The following EPHA7 variants were observed in gnomAD, a reference collection of about 807,000 sequenced individuals.
EPHA7 encodes ephrin type-A receptor 7.
EPHA7 carries 25 observed loss-of-function variants against 112.6 expected under a neutral mutation model. The ratio of observed to expected loss-of-function variants is 0.22; its 90% CI spans 0.16 to 0.31. EPHA7 has a LOEUF of 0.31. EPHA7 is among the 10% of genes least tolerant of loss of function. The pLI is 1.00. For synonymous variants in EPHA7, 437 were observed against 406.5 expected (o/e 1.07, Z -0.90); for missense variants, 962 against 1,212.6 (o/e 0.79, Z 3.07).
chr6:93,255,687 C>CA, intron 13 of EPHA7, 141 bp downstream of exon 13: 1 of 690,444 alleles, frequency 1.4e-6, no homozygotes, highest in Non-Finnish European at 2.4e-6. Flanking sequence ...AAACAAAAAA[C>CA]AAAAAACAAA....
intron 2 of EPHA7, among the ~76,000 whole-genome samples, chr6:93,412,062 G>T (rs934544528): frequency 6.6e-6 from 1 of 151,970 alleles, no homozygotes; most frequent in African/African-American, 2.4e-5. Context: ...ATAATATTCT[G>T]TCGCTCATTA....
At chr6:93,279,281 AC>A (rs1771616617) in intron 5 of EPHA7, among the ~76,000 whole-genome samples, 1 of 152,164 alleles carries the variant, frequency 6.6e-6, no homozygotes, top group Non-Finnish European at 1.5e-5. Flanking sequence ...GTATTTTATA[AC>A]ATATCATTTA....
rs1173573107 is a variant in EPHA7, at chr6:93,361,167, C to T, written c.833-2756G>A. Among the ~76,000 whole-genome samples the T allele has an allele frequency of 3.9e-5, 6 of 151,996 alleles. No individual in the cohort carries two copies. In the South Asian group the frequency reaches 1.2e-3, roughly 32 times the overall value. On this transcript the variant is annotated intron_variant, in intron 3 of 16. Transcript: ENST00000369303. Reference sequence around the variant, plus strand: ...ATGACTATCATTAAATAGATAAAGGCAATACCGGAAAAATGTGATCATAAA... The same window carrying T: ...ATGACTATCATTAAATAGATAAAGGTAATACCGGAAAAATGTGATCATAAA...
chr6:93,368,786 T>C (rs1562130384), intron 3 of EPHA7, among the ~76,000 whole-genome samples: 1 of 152,120 alleles, frequency 6.6e-6, no homozygotes, highest in African/African-American at 2.4e-5. Context: ...TAAAGCAAAA[T>C]TGTCAGTTAA....
At chr6:93,260,788 GAA>G in intron 9 of EPHA7, 1 of 887,230 alleles carries the variant, frequency 1.1e-6, no homozygotes, top group Non-Finnish European at 1.3e-6. Flanking sequence ...AGCTGAAGAT[GAA>G]AAAAAAAACA....
chr6:93,252,154 T>G (rs1350089000), intron 14 of EPHA7, among the ~76,000 whole-genome samples: 1 of 151,984 alleles, frequency 6.6e-6, no homozygotes, highest in East Asian at 1.9e-4. Context: ...TTGTGTCTCT[T>G]CAGGTTACAA....
chr6:93,249,760 T>C (rs1400698600), intron 14 of EPHA7, among the ~76,000 whole-genome samples: 1 of 152,174 alleles, frequency 6.6e-6, no homozygotes, highest in Non-Finnish European at 1.5e-5. Context: ...CCAAATAATG[T>C]TTTAAAATGT....
At chr6:93,300,437 G>GT (rs1772919186) in intron 5 of EPHA7, among the ~76,000 whole-genome samples, 1 of 152,062 alleles carries the variant, frequency 6.6e-6, no homozygotes, top group African/African-American at 2.4e-5. Context: ...CTGGAGAAAT[G>GT]TAAGAAATAC....
rs1263476372 is a variant in EPHA7, at chr6:93,241,855, T to C, written c.*1571A>G. ...CAGTATAAATAAAATTTACAAGTTTTACAAAGGAACATTTACAGATTTTGT... is the reference window on the plus strand; with the variant it reads ...CAGTATAAATAAAATTTACAAGTTTCACAAAGGAACATTTACAGATTTTGT... On this transcript the variant is annotated 3_prime_UTR_variant, in exon 17 of 17. Coordinates refer to ENST00000369303, the MANE Select transcript of EPHA7 (RefSeq NM_004440.4). 9.2e-6 allele frequency: 2 copies of C among 218,530 alleles called. No individual in the cohort carries two copies. Among genetic ancestry groups the C allele is most frequent in the East Asian group, 1.3e-4 (2 of 14,838 alleles). 13.5% of individuals were successfully genotyped at this position (218,530 alleles called of 1,614,324 possible).
At chr6:93,406,240 C>T (rs1778714395) in intron 3 of EPHA7, among the ~76,000 whole-genome samples, 1 of 151,402 alleles carries the variant, frequency 6.6e-6, no homozygotes, top group African/African-American at 2.4e-5. Flanking sequence ...AAGTAAATCA[C>T]ATTTCTATAT....
chr6:93,281,405 A>C (rs574411312), intron 5 of EPHA7, among the ~76,000 whole-genome samples: 307 of 152,244 alleles, frequency 2.0e-3, no homozygotes, highest in Non-Finnish European at 4.0e-3. Flanking sequence ...TCCATCTTTA[A>C]TTTTCCATGA....
chr6:93,339,380 G>C (rs1775032259), intron 5 of EPHA7, among the ~76,000 whole-genome samples: 1 of 151,730 alleles, frequency 6.6e-6, no homozygotes. Context: ...GCATTATTTT[G>C]TTACTTTTTC....
intron 3 of EPHA7, among the ~76,000 whole-genome samples, chr6:93,382,238 G>T (rs351344): frequency 1.3e-5 from 2 of 152,032 alleles, no homozygotes; most frequent in Non-Finnish European, 2.9e-5. Flanking sequence ...CCAGGGTGGG[G>T]GCTGGGTAGA....
intron 8 of EPHA7, among the ~76,000 whole-genome samples, 185 bp downstream of exon 8, chr6:93,264,409 G>C (rs753955001): frequency 9.2e-5 from 14 of 151,550 alleles, no homozygotes; most frequent in Non-Finnish European, 1.6e-4. Flanking sequence ...TAAATGAAAG[G>C]CAGTGATCAA....
In EPHA7 at chr6:93,246,995, A is replaced by G; in HGVS notation, c.2533-10T>C. The G allele has an allele frequency of 6.4e-7, 1 of 1,555,256 alleles. No homozygotes were observed. The highest frequency in any genetic ancestry group is 1.2e-5 in the South Asian group (1 of 84,758). ...CTATTGCTTTTATAACCTAATAGCC[A>G]AAAGGACATTACAAATATTACTGAT... On this transcript the variant is annotated splice_polypyrimidine_tract_variant and intron_variant, in intron 14 of 16. Transcript: ENST00000369303.
chr6:93,315,883 C>G (rs1773783903), intron 5 of EPHA7, among the ~76,000 whole-genome samples: 1 of 152,122 alleles, frequency 6.6e-6, no homozygotes, highest in Non-Finnish European at 1.5e-5. Context: ...AGTTTATGTT[C>G]TATTTTAAGA....
chr6:93,253,718 C>T (rs1770316458), intron 14 of EPHA7, among the ~76,000 whole-genome samples: 1 of 152,088 alleles, frequency 6.6e-6, no homozygotes, highest in Non-Finnish European at 1.5e-5. Context: ...AACTTCTCAA[C>T]TTTCCAGTGT....
intron 3 of EPHA7, among the ~76,000 whole-genome samples, chr6:93,382,719 G>T (rs187290130): frequency 3.3e-5 from 5 of 151,944 alleles, no homozygotes; most frequent in Non-Finnish European, 5.9e-5. Flanking sequence ...GATCCTACTC[G>T]CTCCATGTGG....
At chr6:93,258,525 A>C (rs1169868959) in intron 10 of EPHA7, among the ~76,000 whole-genome samples, 2 of 151,858 alleles carry the variant, frequency 1.3e-5, no homozygotes, top group East Asian at 3.9e-4. Flanking sequence ...AATGAAATTA[A>C]AACTTGAAGA....
Sources: gnomAD v4.1 joint callset for allele counts (sites outside exome capture counted in the v4.1 genomes callset) on GRCh38, gnomAD v4.1.1 for gene constraint, MANE v1.5 for transcripts, NCBI Gene and HGNC (gene_info 2026-07-23, HGNC 2026-07-21) for gene names.